Variants in TRHDE observed in about 807,000 individuals in gnomAD.
TRHDE encodes the protein thyrotropin-releasing hormone-degrading ectoenzyme.
TRHDE carries 72 observed loss-of-function variants against 125.7 expected under a neutral mutation model. The observed-to-expected ratio is 0.57, with a 90% confidence interval of 0.47 to 0.70. TRHDE has a LOEUF of 0.70. Among genes scored for constraint, TRHDE ranks in the 30% least tolerant of loss-of-function variants. The pLI is 0.00. For missense variants in TRHDE, 1,110 were observed against 1,327.1 expected (o/e 0.84, Z 2.54); for synonymous variants, 509 against 509.1 (o/e 1.00, Z 0.00).
intron 6 of TRHDE, among the ~76,000 whole-genome samples, chr12:72,515,899 A>G (rs1376762757): frequency 6.9e-6 from 1 of 144,814 alleles, no homozygotes; most frequent in Admixed American, 6.8e-5. Context: ...TAAATAGGGA[A>G]TCCTTTCCCC....
chr12:72,639,123 C>A (rs1308536690), intron 15 of TRHDE, among the ~76,000 whole-genome samples: 7 of 151,246 alleles, frequency 4.6e-5, no homozygotes, highest in Non-Finnish European at 8.9e-5. Flanking sequence ...TCCATTCTCC[C>A]CATCACTTTC....
chr12:72,328,055 T>A (rs1869420546), intron 2 of TRHDE, among the ~76,000 whole-genome samples: 1 of 152,172 alleles, frequency 6.6e-6, no homozygotes, highest in Admixed American at 6.5e-5. Flanking sequence ...ACGAGTATCA[T>A]CAGAGGAAGA....
chr12:72,492,747 C>T (rs901358552), intron 5 of TRHDE, among the ~76,000 whole-genome samples: 2 of 151,742 alleles, frequency 1.3e-5, no homozygotes, highest in East Asian at 3.9e-4. Flanking sequence ...TTTTGTTTAA[C>T]CTAGGGACTC....
intron 15 of TRHDE, among the ~76,000 whole-genome samples, chr12:72,630,261 G>A (rs969450442): frequency 6.6e-6 from 1 of 151,618 alleles, no homozygotes; most frequent in Non-Finnish European, 1.5e-5. Flanking sequence ...CTCAGTATGA[G>A]ATCATCCTAG....
At chr12:72,522,025 G>A (rs1868261048) in intron 6 of TRHDE, among the ~76,000 whole-genome samples, 1 of 152,152 alleles carries the variant, frequency 6.6e-6, no homozygotes, top group Admixed American at 6.5e-5. Context: ...ATACTTTTGT[G>A]TATGTTTTTT....
At chr12:72,401,037 C>T (rs1455887683) in intron 3 of TRHDE, among the ~76,000 whole-genome samples, 1 of 151,864 alleles carries the variant, frequency 6.6e-6, no homozygotes, top group African/African-American at 2.4e-5. Flanking sequence ...TCCTTTTTTT[C>T]TATGCTTAAC....
At chr12:72,166,815 G>A (rs1400989141) in intron 2 of TRHDE, among the ~76,000 whole-genome samples, 1 of 152,112 alleles carries the variant, frequency 6.6e-6, no homozygotes, top group African/African-American at 2.4e-5. Context: ...ATGAAAGACA[G>A]AGGAGAAGGA....
Position 72,479,518 on chromosome 12 carries a change from C to T in TRHDE, c.1584+6338C>T, listed in dbSNP as rs116428727. ...ACTGTATATTAACATATATTTCTAT[C>T]TACTCAGGTAAGCATCTGGAAGGTG... On this transcript the variant is annotated intron_variant, in intron 5 of 18. Transcript: ENST00000261180. Among the ~76,000 whole-genome samples the T allele has an allele frequency of 5.2e-3, 793 of 152,002 alleles. 2 individuals carry two copies. Among genetic ancestry groups the T allele is most frequent in the African/African-American group, 0.017 (722 of 41,472 alleles).
chr12:72,218,229 T>C (rs554985803), intron 2 of TRHDE, among the ~76,000 whole-genome samples: 1 of 152,292 alleles, frequency 6.6e-6, no homozygotes, highest in South Asian at 2.1e-4. Flanking sequence ...GAAAATGTTA[T>C]CATTGTGGCT....
At chr12:72,213,657 A>G (rs1877830314) in intron 2 of TRHDE, among the ~76,000 whole-genome samples, 1 of 152,142 alleles carries the variant, frequency 6.6e-6, no homozygotes, top group African/African-American at 2.4e-5. Flanking sequence ...CCATATACTT[A>G]TCTAACTTAT....
intron 15 of TRHDE, among the ~76,000 whole-genome samples, chr12:72,629,581 G>A (rs765008726): frequency 1.3e-5 from 2 of 151,560 alleles, no homozygotes; most frequent in East Asian, 1.9e-4. Context: ...TAAGAACAAC[G>A]CTTATTAAAC....
At chr12:72,428,168 T>A (rs11179199) in intron 3 of TRHDE, among the ~76,000 whole-genome samples, 16,544 of 152,210 alleles carry the variant, frequency 0.11, 1,185 homozygotes, top group African/African-American at 0.19. Context: ...TGTTATACCC[T>A]TATAAAATTT....
chr12:72,211,451 T>TA lies in TRHDE; in HGVS notation n.279+105700dup, dbSNP rs1409208264. Among the ~76,000 whole-genome samples, 11 of 152,188 alleles carry TA rather than the reference T, an allele frequency of 7.2e-5. 1 individual carries two copies. Among genetic ancestry groups the TA allele is most frequent in the African/African-American group, 2.4e-4 (10 of 41,452 alleles). On this transcript the variant is annotated intron_variant and non_coding_transcript_variant, in intron 2 of 4. Transcript: ENST00000548156. ...TTTCTAATGATAAAGAGGAACATTT[T>TA]ATAAAGATAAAATAGTCAGTCTATC...
intron 2 of TRHDE, among the ~76,000 whole-genome samples, chr12:72,266,620 C>G (rs1012988160): frequency 6.6e-6 from 1 of 151,598 alleles, no homozygotes; most frequent in African/African-American, 2.4e-5. Context: ...ATAGACCAGG[C>G]ATGTTTGCTT....
intron 12 of TRHDE, among the ~76,000 whole-genome samples, chr12:72,618,095 T>C (rs183664077): frequency 8.5e-5 from 13 of 152,284 alleles, no homozygotes; most frequent in African/African-American, 2.4e-4. Context: ...TGCTTTGATT[T>C]TGCAAGAATA....
chr12:72,500,031 G>C (rs2135936275), intron 6 of TRHDE, among the ~76,000 whole-genome samples: 1 of 152,222 alleles, frequency 6.6e-6, no homozygotes, highest in Middle Eastern at 3.4e-3. Context: ...GATGCAAATG[G>C]ATATAGGTAA....
At chr12:72,558,890 T>C (rs552409180) in intron 7 of TRHDE, among the ~76,000 whole-genome samples, 41 of 152,124 alleles carry the variant, frequency 2.7e-4, no homozygotes, top group Admixed American at 7.9e-4. Context: ...ATGTGGCTAA[T>C]AGGACTCAGT....
intron 2 of TRHDE, among the ~76,000 whole-genome samples, chr12:72,291,268 G>A (rs1479410773): frequency 6.6e-6 from 1 of 152,152 alleles, no homozygotes. Flanking sequence ...TAATAAGACT[G>A]GAATATGGTT....
chr12:72,318,267 C>T (rs1015432371), intron 2 of TRHDE, among the ~76,000 whole-genome samples: 1 of 151,956 alleles, frequency 6.6e-6, no homozygotes, highest in African/African-American at 2.4e-5. Context: ...AGGGTACATT[C>T]TAGATAAAGG....
Sources: gnomAD v4.1 joint callset for allele counts (sites outside exome capture counted in the v4.1 genomes callset) on GRCh38, gnomAD v4.1.1 for gene constraint, MANE v1.5 for transcripts, NCBI Gene and HGNC (gene_info 2026-07-23, HGNC 2026-07-21) for gene names.